CHORDC1: variants seen among roughly 807,000 people sequenced by gnomAD.
The protein encoded by CHORDC1 is cysteine and histidine-rich domain-containing protein 1.
Under a neutral mutation model 48.3 loss-of-function variants are expected in CHORDC1, and 25 were observed. That is an observed-to-expected ratio of 0.52 (90% CI 0.38 to 0.72). CHORDC1 has a LOEUF of 0.72. CHORDC1 is among the 30% of genes least tolerant of loss of function. The pLI, the probability that CHORDC1 is intolerant of heterozygous loss-of-function variation, is 0.00. For missense variants in CHORDC1, 317 were observed against 388.7 expected (o/e 0.82, Z 1.55); for synonymous variants, 128 against 126.4 (o/e 1.01, Z -0.09).
chr11:90,204,836 A>G (rs1857631752), intron 8 of CHORDC1, among the ~76,000 whole-genome samples: 1 of 152,144 alleles, frequency 6.6e-6, no homozygotes, highest in South Asian at 2.1e-4. Flanking sequence ...AAACTTATTG[A>G]GCAATAAGTT....
In CHORDC1 at chr11:90,223,019, C is replaced by A; in HGVS notation, c.-65G>T. On this transcript the variant is annotated 5_prime_UTR_variant, in exon 1 of 11. Transcript: ENST00000320585. ...GAACGGCAAGAGGATGCGTTTGCCA[C>A]TCCCGTGTCGCTAGCACCGGTCTGA... The A allele has an allele frequency of 2.9e-6, 4 of 1,391,968 alleles. No homozygotes were observed. The African/African-American group carries it at 4.3e-5, about 15-fold the overall frequency. 86.2% of individuals were successfully genotyped at this position (1,391,968 alleles called of 1,614,324 possible). A position where few individuals can be genotyped will look rare whatever the true frequency, so the allele number is the denominator to read the frequency against.
At chr11:90,213,715 CA>C in intron 4 of CHORDC1, 1 of 454,520 alleles carries the variant, frequency 2.2e-6, no homozygotes, top group Non-Finnish European at 3.9e-6. Context: ...TTTACCATGC[CA>C]CAGTGAAAAA....
chr11:90,205,918 A>T (rs1185786879), intron 7 of CHORDC1: 1 of 471,370 alleles, frequency 2.1e-6, no homozygotes, highest in African/African-American at 2.0e-5. Flanking sequence ...CCTTCAAACA[A>T]AACATTTAGC....
intron 2 of CHORDC1, chr11:90,216,506 C>A: frequency 4.7e-6 from 2 of 422,564 alleles, no homozygotes; most frequent in East Asian, 7.7e-5. Flanking sequence ...CGCATTTTGT[C>A]TGAAATCTTC....
chr11:90,206,030 A>G (rs573595210), intron 7 of CHORDC1, 172 bp downstream of exon 7: 543 of 619,774 alleles, frequency 8.8e-4, no homozygotes, highest in Non-Finnish European at 1.4e-3. Flanking sequence ...TTTCTCATGT[A>G]TAAACACACA....
intron 6 of CHORDC1, chr11:90,206,842 T>G: frequency 9.2e-7 from 1 of 1,087,018 alleles, no homozygotes; most frequent in Non-Finnish European, 1.2e-6. Flanking sequence ...ATTATGTTAA[T>G]AAAACATGGA....
chr11:90,203,174 A>G, intron 9 of CHORDC1, 134 bp downstream of exon 9: 1 of 893,214 alleles, frequency 1.1e-6, no homozygotes, highest in Non-Finnish European at 1.6e-6. Context: ...AAGTAATTTA[A>G]TTTTTTTTAA....
At chr11:90,218,037 G>A in intron 2 of CHORDC1, 98 bp downstream of exon 2, 3 of 857,808 alleles carry the variant, frequency 3.5e-6, no homozygotes, top group South Asian at 2.2e-5. Flanking sequence ...TAAGAAGAAA[G>A]TCACTAGCTG....
At chr11:90,219,323 G>C (rs1858103963) in intron 1 of CHORDC1, among the ~76,000 whole-genome samples, 2 of 151,930 alleles carry the variant, frequency 1.3e-5, no homozygotes, top group Admixed American at 6.6e-5. Context: ...ATTCTCACTG[G>C]GTGTTATTCT....
At position 90,203,425 on chromosome 11, in the gene CHORDC1, C is replaced by T. The variant is rs1175540504; in HGVS notation, c.672G>A (p.Gly224=). 1.3e-6 allele frequency: 2 copies of T among 1,546,892 alleles called. No homozygotes were observed. The highest frequency in any genetic ancestry group is 1.7e-5 in the Admixed American group (1 of 59,444). The change falls in exon 9 of 11, where the codon GGG becomes GGA. Residue 224 remains glycine (G), a splice_region_variant and synonymous_variant. Coordinates refer to ENST00000320585, the MANE Select transcript of CHORDC1 (RefSeq NM_012124.3). ...CATGTCTACATGGAACAACTTTTTT[C>T]CCCTGTAATGTAAGAGAAACTCTGT... ...GKHMWTKKDA[G]KKVVPCRHDW... is the part of the protein sequence containing the mutation.
intron 4 of CHORDC1, chr11:90,213,533 T>A (rs1857925822): frequency 3.5e-6 from 2 of 567,330 alleles, no homozygotes; most frequent in African/African-American, 1.9e-5. Flanking sequence ...AACGCTTTTT[T>A]AAGACTACTT....
At chr11:90,220,150 C>T (rs1044172340) in intron 1 of CHORDC1, among the ~76,000 whole-genome samples, 1 of 152,174 alleles carries the variant, frequency 6.6e-6, no homozygotes, top group African/African-American at 2.4e-5. Flanking sequence ...CTTCCAATGT[C>T]GCACAGGGAA....
At position 90,203,357 on chromosome 11, in the gene CHORDC1, G is replaced by T; in HGVS notation, c.740C>A (p.Ala247Asp). ...GCTAAGTTCTGGAAGTGAGTTTTTAGCATATACTGAAATGGTAACTTCACC... is the reference window on the plus strand; with the variant it reads ...GCTAAGTTCTGGAAGTGAGTTTTTATCATATACTGAAATGGTAACTTCACC... ...TGGEVTISVY[A>D]KNSLPELSRV... The change falls in exon 9 of 11, where the codon GCT becomes GAT. Residue 247 changes from alanine (A) to aspartate (D), a missense_variant. Transcript: ENST00000320585. 6.2e-7 allele frequency: 1 copy of T among 1,600,564 alleles called. No homozygotes were observed. The highest frequency in any genetic ancestry group is 8.5e-7 in the Non-Finnish European group (1 of 1,170,772).
chr11:90,218,008 C>A, intron 2 of CHORDC1, 127 bp downstream of exon 2: 1 of 574,160 alleles, frequency 1.7e-6, no homozygotes, highest in Non-Finnish European at 2.9e-6. Flanking sequence ...GCTTAAAGCA[C>A]CTCCCCCGCA....
At chr11:90,212,065 G>C (rs1857882779) in intron 4 of CHORDC1, 1 of 152,164 alleles carries the variant, frequency 6.6e-6, no homozygotes, top group African/African-American at 2.4e-5. Context: ...TGAGGCAAGA[G>C]GACTGCTTGA....
In CHORDC1 at chr11:90,202,800, T is replaced by G. The variant is rs781491709; in HGVS notation, c.852+13A>C. The G allele has an allele frequency of 6.3e-7, 1 of 1,580,584 alleles. No individual in the cohort carries two copies. The highest frequency in any genetic ancestry group is 2.0e-5 in the Admixed American group (1 of 50,522). ...TATCAGAAAAAAAATTCTTATAAAT[T>G]TGTAATACTTACACCCCATAATTTC... On this transcript the variant is annotated intron_variant, in intron 10 of 10. Transcript: ENST00000320585.
chr11:90,206,833 T>C (rs1452509533), intron 6 of CHORDC1: 1 of 1,215,590 alleles, frequency 8.2e-7, no homozygotes, highest in Admixed American at 2.3e-5. Context: ...TCACAAAAAA[T>C]TATGTTAATA....
intron 3 of CHORDC1, 78 bp from the exon 4 acceptor site, chr11:90,214,253 T>C: frequency 2.9e-6 from 3 of 1,050,678 alleles, no homozygotes; most frequent in Non-Finnish European, 4.0e-6. Flanking sequence ...CAGTTCTTTA[T>C]TGATAGTGAT....
chr11:90,204,344 T>A (rs761088835), intron 8 of CHORDC1, among the ~76,000 whole-genome samples: 1 of 152,200 alleles, frequency 6.6e-6, no homozygotes, highest in Non-Finnish European at 1.5e-5. Context: ...CTCTTTTTAT[T>A]TAAAAACATT....
Sources: allele counts gnomAD v4.1 joint callset (sites outside exome capture counted in the v4.1 genomes callset), GRCh38; gene constraint gnomAD v4.1.1; transcripts MANE v1.5; gene names NCBI Gene and HGNC (gene_info 2026-07-23, HGNC 2026-07-21).